The following MEF2A variants were observed in gnomAD, a reference collection of about 807,000 sequenced individuals.
The protein encoded by MEF2A is myocyte-specific enhancer factor 2A.
MEF2A carries 28 observed loss-of-function variants against 55.8 expected under a neutral mutation model. The observed-to-expected ratio is 0.50, with a 90% CI of 0.37 to 0.69. MEF2A has a LOEUF of 0.69. Among genes scored for constraint, MEF2A ranks in the 30% least tolerant of loss-of-function variants. The pLI is 0.00. For missense variants in MEF2A, 528 were observed against 626.2 expected (o/e 0.84, Z 1.67); for synonymous variants, 239 against 227.1 (o/e 1.05, Z -0.47).
At chr15:99,685,436 ATT>A (rs35134205) in intron 7 of MEF2A, among the ~76,000 whole-genome samples, 1 of 144,502 alleles carries the variant, frequency 6.9e-6, no homozygotes. Context: ...GTTCCTAAGT[ATT>A]TTTTTTTTTT....
chr15:99,675,419 G>A lies in MEF2A; in HGVS notation c.631G>A (p.Asp211Asn), dbSNP rs1567406543. The change falls in exon 7 of 12, where the codon GAC (aspartate) becomes AAC (asparagine). Residue 211 changes from aspartate to asparagine, a missense_variant. This residue lies in a region of MEF2A where 450 missense variants were observed against 475.3 expected (regional missense o/e 0.95). Coordinates refer to ENST00000557942, the MANE Select transcript of MEF2A (RefSeq NM_001319206.4). ...GNAGGMLSTTDLTVPNGAGSS... is the reference protein window; with the variant it reads ...GNAGGMLSTTNLTVPNGAGSS... ...GTTAGGTGGGATGTTGAGCACTACA[G>A]ACCTCACAGTGCCAAATGGAGCTGG... 1 of 1,613,950 alleles carries A rather than the reference G, an allele frequency of 6.2e-7. No homozygotes were observed. Among genetic ancestry groups the A allele is most frequent in the Non-Finnish European group, 8.5e-7 (1 of 1,179,840 alleles).
In MEF2A at chr15:99,631,696, TG is replaced by T. The variant is rs1298989914; in HGVS notation, c.-142-1280del. On this transcript the variant is annotated intron_variant, in intron 2 of 11. Coordinates refer to ENST00000557942, the MANE Select transcript of MEF2A (RefSeq NM_001319206.4). ...TATCCTCTGTGCATAGTTCAGTGTT[TG>T]GAAGTACATTTATTAGAAGTAGGTG... Among the ~76,000 whole-genome samples, 3 of 152,200 alleles carry T rather than the reference TG, an allele frequency of 2.0e-5. No individual in the cohort carries two copies. In the East Asian group the frequency reaches 5.8e-4, roughly 29 times the overall value.
rs1466875181 is a variant in MEF2A, at chr15:99,715,306, T to C, written c.*2535T>C. On this transcript the variant is annotated 3_prime_UTR_variant, in exon 12 of 12. Coordinates refer to ENST00000557942, the MANE Select transcript of MEF2A (RefSeq NM_001319206.4). ...ACATTCACATTTACTGTCTATTTTCTTGTGTGCCTTATGAGATGGCTTTTC... is the reference window on the plus strand; with the variant it reads ...ACATTCACATTTACTGTCTATTTTCCTGTGTGCCTTATGAGATGGCTTTTC... 1 of 152,266 alleles carries C rather than the reference T, an allele frequency of 6.6e-6. No individual in the cohort carries two copies. Among genetic ancestry groups the C allele is most frequent in the Non-Finnish European group, 1.5e-5 (1 of 68,050 alleles). The allele number at this position is 152,266 out of a possible 1,614,324, so 9.4% of individuals were successfully genotyped here.
intron 9 of MEF2A, among the ~76,000 whole-genome samples, chr15:99,704,877 A>G (rs1294005270): frequency 6.6e-6 from 1 of 152,236 alleles, no homozygotes; most frequent in Non-Finnish European, 1.5e-5. Context: ...ACTGGCATAC[A>G]TTGATTTTCC....
At chr15:99,644,349 G>T (rs1203674828) in intron 3 of MEF2A, among the ~76,000 whole-genome samples, 7 of 152,120 alleles carry the variant, frequency 4.6e-5, no homozygotes, top group Non-Finnish European at 1.0e-4. Context: ...ATAGGAAATA[G>T]ACTGAAAAAA....
intron 1 of MEF2A, among the ~76,000 whole-genome samples, chr15:99,588,919 C>A (rs1344624991): frequency 6.6e-6 from 1 of 152,132 alleles, no homozygotes; most frequent in Non-Finnish European, 1.5e-5. Flanking sequence ...CAAACCCCAT[C>A]TGTACTGATA....
rs183595046 is a variant in MEF2A at position 99,577,551 on chromosome 15, A to C, written c.-225+11447A>C. Among the ~76,000 whole-genome samples, 21 of 152,320 alleles carry C rather than the reference A, an allele frequency of 1.4e-4. No individual in the cohort carries two copies. In the East Asian group the frequency reaches 3.5e-3, roughly 25 times the overall value. On this transcript the variant is annotated intron_variant, in intron 1 of 11. Coordinates refer to ENST00000557942, the MANE Select transcript of MEF2A (RefSeq NM_001319206.4). ...CAGGAATGCCAGGAAAATAAGCTTT[A>C]ATGTTGGACAGCTATATAACCATAA... is the stretch of plus-strand genomic sequence containing the variant.
At chr15:99,639,676 C>T (rs868065809) in intron 3 of MEF2A, among the ~76,000 whole-genome samples, 4 of 152,318 alleles carry the variant, frequency 2.6e-5, no homozygotes, top group Middle Eastern at 3.4e-3. Context: ...ACTAGCTACA[C>T]TGCAGTAAGT....
chr15:99,678,742 G>A (rs1197191736), intron 7 of MEF2A: 1 of 912,794 alleles, frequency 1.1e-6, no homozygotes, highest in Non-Finnish European at 1.3e-6. Flanking sequence ...AGAAACCAAA[G>A]AAAGTCTAAT....
At chr15:99,708,852 T>C (rs167805) in intron 10 of MEF2A, among the ~76,000 whole-genome samples, 101,847 of 152,002 alleles carry the variant, frequency 0.67, 37,269 homozygotes, top group Middle Eastern at 0.86. Context: ...AGGGTGTGCC[T>C]GTACAAAGGC....
intron 5 of MEF2A, chr15:99,671,814 C>A: frequency 2.0e-6 from 1 of 500,052 alleles, no homozygotes; most frequent in Non-Finnish European, 2.6e-6. Flanking sequence ...AATAAAATTG[C>A]TGAAATCTTA....
chr15:99,592,407 A>G (rs559479284), intron 1 of MEF2A, among the ~76,000 whole-genome samples: 24 of 152,320 alleles, frequency 1.6e-4, no homozygotes, highest in African/African-American at 5.5e-4. Context: ...TGTGGTATCC[A>G]TTAGCCATAT....
chr15:99,567,494 T>G (rs1293938928), intron 1 of MEF2A, among the ~76,000 whole-genome samples: 1 of 152,216 alleles, frequency 6.6e-6, no homozygotes, highest in Non-Finnish European at 1.5e-5. Context: ...CCTTGGCAGT[T>G]CTTGAACAGT....
intron 1 of MEF2A, among the ~76,000 whole-genome samples, chr15:99,567,143 AG>A (rs1380743910): frequency 6.6e-6 from 1 of 152,254 alleles, no homozygotes; most frequent in East Asian, 1.9e-4. Flanking sequence ...GTTATGGTCC[AG>A]CAGGGAACCG....
Position 99,678,563 on chromosome 15 carries a change from T to A in MEF2A, c.670+3105T>A, listed in dbSNP as rs531481131. The A allele has an allele frequency of 1.4e-4, 93 of 666,980 alleles. 1 individual carries two copies. The African/African-American group carries it at 1.8e-3, about 13-fold the overall frequency. The allele number at this position is 666,980 out of a possible 1,614,324, so 41.3% of individuals were successfully genotyped here. ...GTCATTTTCAAATACGTAATTTGTT[T>A]ATAGGCGAGTCTTCCATTTGCCTTG... On this transcript the variant is annotated intron_variant, in intron 7 of 11. Transcript: ENST00000557942.
In MEF2A at chr15:99,586,685, C is replaced by G. The variant is rs541643996; in HGVS notation, c.-224-11745C>G. ...GAAGTGCTGTTTGTCAGTTTTCTCC[C>G]TTATGGATACCTGCTTTTTTGGTGT... On this transcript the variant is annotated intron_variant, in intron 1 of 11. Transcript: ENST00000557942. Among the ~76,000 whole-genome samples, 83 of 152,186 alleles carry G rather than the reference C, an allele frequency of 5.5e-4. 2 individuals are homozygous for G. In the South Asian group the frequency reaches 0.016, roughly 30 times the overall value.
intron 8 of MEF2A, among the ~76,000 whole-genome samples, chr15:99,690,974 A>T (rs2055314763): frequency 6.6e-6 from 1 of 152,234 alleles, no homozygotes; most frequent in Non-Finnish European, 1.5e-5. Flanking sequence ...TGTTCCCAAC[A>T]AATAGAAAGG....
intron 4 of MEF2A, among the ~76,000 whole-genome samples, chr15:99,652,296 C>G (rs1430484282): frequency 6.6e-6 from 1 of 152,132 alleles, no homozygotes; most frequent in Non-Finnish European, 1.5e-5. Flanking sequence ...CAGCCTAGAT[C>G]CCTTGCTCGT....
At chr15:99,709,471 C>T (rs139214403) in intron 10 of MEF2A, among the ~76,000 whole-genome samples, 172 of 152,294 alleles carry the variant, frequency 1.1e-3, no homozygotes, top group African/African-American at 3.4e-3. Context: ...CTGGGGAAGG[C>T]GTCAGTGTGA....
Sources: gnomAD v4.1 joint callset for allele counts (sites outside exome capture counted in the v4.1 genomes callset) on GRCh38, gnomAD v4.1.1 for gene constraint, gnomAD v4.1.1 regional missense constraint, MANE v1.5 for transcripts, NCBI Gene and HGNC (gene_info 2026-07-23, HGNC 2026-07-21) for gene names.